The following ADGRB1 variants were observed in gnomAD, a reference collection of about 807,000 sequenced individuals.
ADGRB1 encodes the protein brain-specific angiogenesis inhibitor 1.
Under a neutral mutation model 175.7 loss-of-function variants are expected in ADGRB1, and 36 were observed. The observed-to-expected ratio is 0.20, with a 90% CI of 0.16 to 0.27. The LOEUF is 0.27. Among genes scored for constraint, ADGRB1 ranks in the 10% least tolerant of loss-of-function variants. The probability of loss-of-function intolerance (pLI) is 1.00; values close to 1 mark genes in which losing one functional copy is unlikely to be tolerated. For synonymous variants in ADGRB1, 1,054 were observed against 979.4 expected (o/e 1.08, Z -1.42); for missense variants, 1,731 against 2,255.3 (o/e 0.77, Z 4.71).
intron 17 of ADGRB1, among the ~76,000 whole-genome samples, chr8:142,497,803 G>A (rs1037992856): frequency 1.1e-4 from 17 of 152,226 alleles, no homozygotes; most frequent in African/African-American, 4.1e-4. Flanking sequence ...GCCTGTGTGG[G>A]CCTGTTCTTT....
At chr8:142,458,467 G>A (rs750772497) in intron 1 of ADGRB1, among the ~76,000 whole-genome samples, 9 of 152,120 alleles carry the variant, frequency 5.9e-5, no homozygotes, top group African/African-American at 1.4e-4. Flanking sequence ...GGAGGGGTTC[G>A]TATATCATCT....
rs1840997796 is a variant in ADGRB1 at position 142,476,714 on chromosome 8, G to A, written c.1057+19G>A. 6.5e-7 allele frequency: 1 copy of A among 1,537,938 alleles called. No individual in the cohort carries two copies. Among genetic ancestry groups the A allele is most frequent in the Non-Finnish European group, 8.8e-7 (1 of 1,139,314 alleles). ...CAGACCGGTGAGCTGGCGGGAGGGG[G>A]GTGGGTGGGACTAGGGCTTTGGGAA... On this transcript the variant is annotated intron_variant, in intron 4 of 30. Transcript: ENST00000517894.
chr8:142,465,873 A>G (rs894596365), intron 2 of ADGRB1, among the ~76,000 whole-genome samples: 5 of 152,126 alleles, frequency 3.3e-5, no homozygotes, highest in Non-Finnish European at 7.4e-5. Context: ...CGGAGAGCAC[A>G]GAGGGGCAGG....
At chr8:142,499,106 A>G (rs1337120518) in intron 17 of ADGRB1, among the ~76,000 whole-genome samples, 1 of 152,182 alleles carries the variant, frequency 6.6e-6, no homozygotes, top group African/African-American at 2.4e-5. Context: ...TGGGCTGCGA[A>G]TGCCCACTCC....
intron 2 of ADGRB1, among the ~76,000 whole-genome samples, chr8:142,467,060 G>A (rs777690027): frequency 3.3e-5 from 5 of 152,334 alleles, no homozygotes; most frequent in East Asian, 3.9e-4. Context: ...AAGAGCTGGC[G>A]GGACAGACGC....
Position 142,511,110 on chromosome 8 carries a change from G to A in ADGRB1, c.2817+37G>A. The stretch of plus-strand genomic sequence containing the variant: ...GCCGGGCCGGCGGGAGGGGCGCCGG[G>A]CAGGGGCGCGGGCGGGGGCTGCCGG... On this transcript the variant is annotated intron_variant, in intron 18 of 30. Transcript: ENST00000517894. This position sits in a 1 kb window ranked among gnomAD's most constrained non-coding sequence, Gnocchi z 4.5. 2 of 1,070,072 alleles carry A rather than the reference G, an allele frequency of 1.9e-6. No individual in the cohort carries two copies. The highest frequency in any genetic ancestry group is 2.3e-6 in the Non-Finnish European group (2 of 885,654). 66.3% of individuals were successfully genotyped at this position (1,070,072 alleles called of 1,614,324 possible). A position where few individuals can be genotyped will look rare whatever the true frequency, so the allele number is the denominator to read the frequency against.
rs1021353765 is a variant in ADGRB1, at chr8:142,493,464, C to T, written c.2675+2649C>T. On this transcript the variant is annotated intron_variant, in intron 17 of 30. Transcript: ENST00000517894. This position sits in a 1 kb window ranked among gnomAD's most constrained non-coding sequence, Gnocchi z 5.0. ...GGGAAGGCCCAGGACCCGCCAGTCA[C>T]ACCAGGTGTTCCACCCACCCCGTCA... Among the ~76,000 whole-genome samples, 2 of 152,186 alleles carry T rather than the reference C, an allele frequency of 1.3e-5. No individual in the cohort carries two copies. Among genetic ancestry groups the T allele is most frequent in the African/African-American group, 4.8e-5 (2 of 41,458 alleles).
intron 26 of ADGRB1, 141 bp from the exon 27 acceptor site, chr8:142,539,233 G>A (rs1223428074): frequency 2.4e-5 from 19 of 783,524 alleles, no homozygotes; most frequent in South Asian, 1.6e-4. Context: ...GGTCGCCCAC[G>A]TGGGGCACTG....
Position 142,511,226 on chromosome 8 carries a change from G to A in ADGRB1, c.2817+153G>A, listed in dbSNP as rs1275296602. ...GCCGTGGCCTGGCCCGGCCGGCGGGGTCCATGCGCCTCTGGAGAGGGTGGG... is the reference window on the plus strand; with the variant it reads ...GCCGTGGCCTGGCCCGGCCGGCGGGATCCATGCGCCTCTGGAGAGGGTGGG... On this transcript the variant is annotated intron_variant, in intron 18 of 30. Transcript: ENST00000517894. This position sits in a 1 kb window ranked among gnomAD's most constrained non-coding sequence, Gnocchi z 4.5. Among the ~76,000 whole-genome samples, 2 of 151,832 alleles carry A rather than the reference G, an allele frequency of 1.3e-5. No individual in the cohort carries two copies. The highest frequency in any genetic ancestry group is 4.8e-5 in the African/African-American group (2 of 41,420).
Position 142,477,425 on chromosome 8 carries a change from C to T in ADGRB1, c.1263C>T (p.Cys421=), listed in dbSNP as rs2131798613. ...ATGAGTGGTCGCCCTGGAGCCTCTG[C>T]TCCAGCACCTGTGGCCGTGGCTTTC... The part of the protein sequence containing the change: ...AWDEWSPWSL[C]SSTCGRGFRD... Residue 421 remains cysteine, a synonymous_variant, in exon 6 of 31, where the codon TGC becomes TGT. Coordinates refer to ENST00000517894, the MANE Select transcript of ADGRB1 (RefSeq NM_001702.3). The T allele has an allele frequency of 6.2e-7, 1 of 1,611,472 alleles. No homozygotes were observed. Among genetic ancestry groups the T allele is most frequent in the Non-Finnish European group, 8.5e-7 (1 of 1,179,790 alleles).
At chr8:142,506,717 G>A (rs950188047) in intron 17 of ADGRB1, among the ~76,000 whole-genome samples, 1 of 152,170 alleles carries the variant, frequency 6.6e-6, no homozygotes, top group Non-Finnish European at 1.5e-5. Flanking sequence ...AAGAGGATGC[G>A]TCCCAGAGAT....
chr8:142,519,226 G>T (rs1843623675), intron 19 of ADGRB1, among the ~76,000 whole-genome samples: 1 of 152,194 alleles, frequency 6.6e-6, no homozygotes, highest in African/African-American at 2.4e-5. Flanking sequence ...TGAGTTCTGA[G>T]GAAGTTTTCT....
At chr8:142,519,699 A>C (rs1250910498) in intron 19 of ADGRB1, among the ~76,000 whole-genome samples, 1 of 64,700 alleles carries the variant, frequency 1.5e-5, no homozygotes, top group African/African-American at 4.0e-5. Flanking sequence ...GGTGGTTGTG[A>C]TGGTGTTGGT....
chr8:142,465,132 G>T, intron 2 of ADGRB1, 150 bp downstream of exon 2: 1 of 1,007,920 alleles, frequency 9.9e-7, no homozygotes, highest in Non-Finnish European at 1.4e-6. Context: ...GTGGACCGGG[G>T]TCTTCTTCCG....
chr8:142,482,440 CTGCTGAACCCTGACCTTGGTCACA>C (rs1207577342), intron 11 of ADGRB1, among the ~76,000 whole-genome samples: 2 of 138,886 alleles, frequency 1.4e-5, no homozygotes, highest in Non-Finnish European at 3.1e-5. Context: ...CCTTGGTCAC[CTGCTGAACCCTGACCTTGGTCACA>C]TGCTGAACCC....
Position 142,526,065 on chromosome 8 carries a change from A to G in ADGRB1, c.3313-477A>G, listed in dbSNP as rs376092561. 5.7e-4 allele frequency among the ~76,000 whole-genome samples: 87 copies of G among 152,276 alleles called. 1 individual carries two copies. The highest frequency in any genetic ancestry group is 1.5e-3 in the Admixed American group (23 of 15,306). On this transcript the variant is annotated intron_variant, in intron 23 of 30. Coordinates refer to ENST00000517894, the MANE Select transcript of ADGRB1 (RefSeq NM_001702.3). ...GCCCAAGAAGAGCCTCCCTGGGTGC[A>G]GGCGCCCAGCCAGGGCCCTTATGGG...
At chr8:142,466,091 T>C (rs1234188892) in intron 2 of ADGRB1, among the ~76,000 whole-genome samples, 2 of 152,096 alleles carry the variant, frequency 1.3e-5, no homozygotes, top group African/African-American at 4.8e-5. Flanking sequence ...CCCAGGGTTT[T>C]GGTGTTAGCA....
intron 17 of ADGRB1, among the ~76,000 whole-genome samples, chr8:142,499,330 C>G (rs548024906): frequency 6.6e-6 from 1 of 152,200 alleles, no homozygotes. Context: ...TATTACGGAA[C>G]GAGAGTTGGG....
At chr8:142,479,563 C>T (rs1841215290) in intron 8 of ADGRB1, 76 bp downstream of exon 8, 2 of 1,515,304 alleles carry the variant, frequency 1.3e-6, no homozygotes, top group South Asian at 1.3e-5. Flanking sequence ...CAGCTGTCAC[C>T]CACGTGGTGT....
Sources: allele counts gnomAD v4.1 joint callset (sites outside exome capture counted in the v4.1 genomes callset), GRCh38; gene constraint gnomAD v4.1.1; non-coding constraint Gnocchi (gnomAD v3.1); transcripts MANE v1.5; gene names NCBI Gene and HGNC (gene_info 2026-07-23, HGNC 2026-07-21).